The following PLEKHH1 variants were observed in gnomAD, a reference collection of about 807,000 sequenced individuals.
PLEKHH1 encodes pleckstrin homology domain-containing family H member 1.
Under a neutral mutation model 160.0 loss-of-function variants are expected in PLEKHH1, and 104 were observed. That is an observed-to-expected ratio of 0.65 (90% confidence interval 0.55 to 0.76). PLEKHH1 has a LOEUF of 0.76. Among genes scored for constraint, PLEKHH1 ranks in the 30% least tolerant of loss-of-function variants. PLEKHH1 has a pLI of 0.00. For synonymous variants in PLEKHH1, 619 were observed against 678.4 expected, an observed-to-expected ratio of 0.91 and a Z score of 1.36; for missense variants, 1,427 against 1,724.1, an observed-to-expected ratio of 0.83 and a Z score of 3.05.
intron 9 of PLEKHH1, 104 bp downstream of exon 9, chr14:67,570,116 G>A: frequency 2.4e-6 from 2 of 841,612 alleles, no homozygotes; most frequent in South Asian, 2.9e-5. Flanking sequence ...TCTGCACATG[G>A]TGACCCTGCC....
chr14:67,540,840 C>G (rs926613257), intron 1 of PLEKHH1, among the ~76,000 whole-genome samples: 37 of 152,012 alleles, frequency 2.4e-4, no homozygotes, highest in African/African-American at 8.2e-4. Context: ...GCCTGTATCC[C>G]TCTCTCTCAT....
chr14:67,534,989 G>A (rs1385696795), intron 1 of PLEKHH1, among the ~76,000 whole-genome samples: 1 of 152,170 alleles, frequency 6.6e-6, no homozygotes, highest in Non-Finnish European at 1.5e-5. Context: ...CCTTCAATAA[G>A]ATCATGTAAA....
chr14:67,540,355 G>A (rs2033914350), intron 1 of PLEKHH1, among the ~76,000 whole-genome samples: 1 of 152,106 alleles, frequency 6.6e-6, no homozygotes, highest in South Asian at 2.1e-4. Context: ...GCCGGGTACA[G>A]TGGCTCACAC....
chr14:67,537,924 G>C (rs1566719232), intron 1 of PLEKHH1, among the ~76,000 whole-genome samples: 3 of 152,198 alleles, frequency 2.0e-5, no homozygotes, highest in Non-Finnish European at 4.4e-5. Flanking sequence ...CAGGTATCAA[G>C]ACTATGGCAG....
chr14:67,539,319 A>G (rs2033872113), intron 1 of PLEKHH1, among the ~76,000 whole-genome samples: 1 of 152,094 alleles, frequency 6.6e-6, no homozygotes. Flanking sequence ...AGTTGGTCCT[A>G]GTCTTTTGAG....
chr14:67,570,120 C>A, intron 9 of PLEKHH1, 108 bp downstream of exon 9: 5 of 830,398 alleles, frequency 6.0e-6, no homozygotes, highest in Non-Finnish European at 9.9e-6. Flanking sequence ...CACATGGTGA[C>A]CCTGCCCAGG....
intron 11 of PLEKHH1, 125 bp downstream of exon 11, chr14:67,572,402 G>C (rs1180928395): frequency 9.8e-5 from 54 of 551,678 alleles, no homozygotes; most frequent in Middle Eastern, 5.5e-4. Flanking sequence ...GGGGATGGGG[G>C]CAGGGGGCGT....
Position 67,582,032 on chromosome 14 carries a change from C to T in PLEKHH1, c.3285-37C>T. On this transcript the variant is annotated intron_variant, in intron 23 of 28. Transcript: ENST00000329153. The surrounding 1 kb of genome is among the most constrained non-coding windows in gnomAD (Gnocchi z 5.0). ...GAAAGCCCCATCCCTGTTTGGAATC[C>T]CTGCTGAGTCCTGGTTTCTTATTCT... 6.3e-7 allele frequency: 1 copy of T among 1,584,934 alleles called. No individual in the cohort carries two copies. The highest frequency in any genetic ancestry group is 8.6e-7 in the Non-Finnish European group (1 of 1,164,476).
At chr14:67,570,721 ACCT>A (rs1213385055) in intron 9 of PLEKHH1, 1 of 151,390 alleles carries the variant, frequency 6.6e-6, no homozygotes. Context: ...ATCCTTCCCT[ACCT>A]CCTCCTTTTT....
chr14:67,574,940 C>T lies in PLEKHH1; in HGVS notation c.2089-452C>T, dbSNP rs1212183852. On this transcript the variant is annotated intron_variant, in intron 14 of 28. Coordinates refer to ENST00000329153, the MANE Select transcript of PLEKHH1 (RefSeq NM_020715.3). This position sits in a 1 kb window ranked among gnomAD's most constrained non-coding sequence, Gnocchi z 4.2. The stretch of plus-strand genomic sequence containing the variant: ...TTGCACTCAGCAAGCTCAGGGCTGG[C>T]AGGCTCGCTGTGTGGCTCTGCTTCT... Among the ~76,000 whole-genome samples, 2 of 152,202 alleles carry T rather than the reference C, an allele frequency of 1.3e-5. No individual in the cohort carries two copies. The highest frequency in any genetic ancestry group is 4.8e-5 in the African/African-American group (2 of 41,454).
At chr14:67,535,512 C>T (rs2033678204) in intron 1 of PLEKHH1, among the ~76,000 whole-genome samples, 1 of 151,132 alleles carries the variant, frequency 6.6e-6, no homozygotes, top group Non-Finnish European at 1.5e-5. Context: ...TCCCAAGTGG[C>T]TGGGATTAAC....
chr14:67,555,957 G>A lies in PLEKHH1; in HGVS notation c.189+70G>A, dbSNP rs116395711. The A allele has an allele frequency of 2.4e-3, 3,798 of 1,557,160 alleles. 60 individuals are homozygous for A. The African/African-American group carries it at 0.032, about 13-fold the overall frequency. On this transcript the variant is annotated intron_variant, in intron 3 of 28. Coordinates refer to ENST00000329153, the MANE Select transcript of PLEKHH1 (RefSeq NM_020715.3). Reference sequence around the variant, plus strand: ...GTCGGCCCTTCCAGGCCCTTCCCACGGACACAGGTGGACACATACATCACC... The same window carrying A: ...GTCGGCCCTTCCAGGCCCTTCCCACAGACACAGGTGGACACATACATCACC...
At position 67,587,300 on chromosome 14, in the gene PLEKHH1, G is replaced by A. The variant is rs1198516600; in HGVS notation, c.*65G>A. On this transcript the variant is annotated 3_prime_UTR_variant, in exon 29 of 29. Coordinates refer to ENST00000329153, the MANE Select transcript of PLEKHH1 (RefSeq NM_020715.3). Reference sequence around the variant, plus strand: ...CTGGATTTAGAGATATATATCCTAGGGTATGATACTACTGTGACGGGTCTA... The same window carrying A: ...CTGGATTTAGAGATATATATCCTAGAGTATGATACTACTGTGACGGGTCTA... 2 of 1,571,154 alleles carry A rather than the reference G, an allele frequency of 1.3e-6. No individual in the cohort carries two copies. Among genetic ancestry groups the A allele is most frequent in the Non-Finnish European group, 1.8e-6 (2 of 1,141,124 alleles).
intron 2 of PLEKHH1, among the ~76,000 whole-genome samples, chr14:67,549,259 A>C (rs1307243640): frequency 1.3e-5 from 2 of 151,232 alleles, no homozygotes; most frequent in African/African-American, 4.9e-5. Context: ...GTGTGTGTGT[A>C]AAAGAGATTT....
intron 3 of PLEKHH1, 132 bp downstream of exon 3, chr14:67,556,019 G>T (rs768077517): frequency 9.1e-6 from 11 of 1,211,916 alleles, no homozygotes; most frequent in African/African-American, 9.0e-5. Flanking sequence ...ATGAGTGTGC[G>T]TGGAGCTTTC....
Position 67,578,519 on chromosome 14 carries a change from CTG to C in PLEKHH1, c.2752-11_2752-10del. On this transcript the variant is annotated splice_polypyrimidine_tract_variant and intron_variant, in intron 19 of 28. Coordinates refer to ENST00000329153, the MANE Select transcript of PLEKHH1 (RefSeq NM_020715.3). This position sits in a 1 kb window ranked among gnomAD's most constrained non-coding sequence, Gnocchi z 5.0. ...AGGCCCAGCACTCACCCCACGCTGT[CTG>C]TGTCCCTGGCAGTGCTGGCAGCTCC... The C allele has an allele frequency of 1.3e-6, 2 of 1,582,604 alleles. No homozygotes were observed. Among genetic ancestry groups the C allele is most frequent in the Non-Finnish European group, 1.7e-6 (2 of 1,156,258 alleles).
rs1291255693 is a variant in PLEKHH1, at chr14:67,582,433, TG to T, written c.3426+226del. Among the ~76,000 whole-genome samples, 1 of 152,170 alleles carries T rather than the reference TG, an allele frequency of 6.6e-6. No individual in the cohort carries two copies. Among genetic ancestry groups the T allele is most frequent in the Non-Finnish European group, 1.5e-5 (1 of 68,038 alleles). On this transcript the variant is annotated intron_variant, in intron 24 of 28. Coordinates refer to ENST00000329153, the MANE Select transcript of PLEKHH1 (RefSeq NM_020715.3). The surrounding 1 kb of genome is among the most constrained non-coding windows in gnomAD (Gnocchi z 5.0). Reference sequence around the variant, plus strand: ...TGGCTGGACTTGGAATCCAGAGACCTGGGTTTGAGTCCTATATACCTTCCAA... The same window carrying T: ...TGGCTGGACTTGGAATCCAGAGACCTGGTTTGAGTCCTATATACCTTCCAA...
chr14:67,548,697 CA>C (rs1276683117), intron 2 of PLEKHH1, among the ~76,000 whole-genome samples: 5 of 149,928 alleles, frequency 3.3e-5, no homozygotes, highest in Admixed American at 2.0e-4. Context: ...AACTCTGTCT[CA>C]AAAAAAAAGA....
At chr14:67,569,338 C>T (rs1321656979) in intron 8 of PLEKHH1, 122 bp downstream of exon 8, 5 of 664,966 alleles carry the variant, frequency 7.5e-6, no homozygotes, top group Non-Finnish European at 1.1e-5. Flanking sequence ...CTGTTCCCCT[C>T]CCCAGCAGGT....
Sources: allele counts gnomAD v4.1 joint callset (sites outside exome capture counted in the v4.1 genomes callset), GRCh38; gene constraint gnomAD v4.1.1; non-coding constraint Gnocchi (gnomAD v3.1); transcripts MANE v1.5; gene names NCBI Gene and HGNC (gene_info 2026-07-23, HGNC 2026-07-21).